The following LINGO2 variants were observed in gnomAD, a reference collection of about 807,000 sequenced individuals.
LINGO2 encodes leucine-rich repeat and immunoglobulin-like domain-containing nogo receptor-interacting protein 2.
A neutral mutation model predicts 30.6 loss-of-function variants in LINGO2; 14 were observed. The ratio of observed to expected loss-of-function variants is 0.46; its 90% CI spans 0.30 to 0.72. The LOEUF (loss-of-function observed/expected upper bound fraction) is 0.72, where lower values mean the gene tolerates loss of function less well. LINGO2 is among the 30% of genes least tolerant of loss of function. The pLI is 0.07. For synonymous variants in LINGO2, 317 were observed against 288.5 expected (o/e 1.10, Z -1.00); for missense variants, 729 against 751.7 (o/e 0.97, Z 0.35).
At chr9:28,156,258 G>T (rs757458997) in intron 4 of LINGO2, among the ~76,000 whole-genome samples, 4 of 152,156 alleles carry the variant, frequency 2.6e-5, no homozygotes, top group Non-Finnish European at 5.9e-5. Flanking sequence ...CCCTAAACGT[G>T]AATAAGATCA....
At chr9:28,177,023 G>A (rs548499866) in intron 4 of LINGO2, among the ~76,000 whole-genome samples, 1 of 152,228 alleles carries the variant, frequency 6.6e-6, no homozygotes, top group African/African-American at 2.4e-5. Flanking sequence ...ATTTGATTGC[G>A]ATAGCATTTA....
chr9:29,092,724 G>C, the LINGO2 span, among the ~76,000 whole-genome samples: 1 of 137,076 alleles, frequency 7.3e-6, no homozygotes, highest in African/African-American at 2.7e-5. Context: ...AAAGTTCAAA[G>C]TGATAGGTAA....
chr9:28,580,084 TGTGTG>T lies in LINGO2; in HGVS notation c.-365+90111_-365+90115del, dbSNP rs1824183680. On this transcript the variant is annotated intron_variant, in intron 1 of 5. Coordinates refer to ENST00000379992, the Ensembl canonical transcript of LINGO2. The stretch of plus-strand genomic sequence containing the variant: ...CTATAGCAAAAGAAGCAGTGCAGAA[TGTGTG>T]TATGTCTTTGAGCCACAGGAATAGA... Among the ~76,000 whole-genome samples the T allele has an allele frequency of 4.6e-5, 7 of 152,102 alleles. No individual in the cohort carries two copies. In the South Asian group the frequency reaches 1.5e-3, roughly 32 times the overall value.
chr9:28,014,650 T>G (rs1822735287), intron 4 of LINGO2, among the ~76,000 whole-genome samples: 1 of 152,210 alleles, frequency 6.6e-6, no homozygotes. Context: ...TAAACATTCA[T>G]CTACTAGTTT....
chr9:28,707,594 C>A, the LINGO2 span, among the ~76,000 whole-genome samples: 11 of 152,234 alleles, frequency 7.2e-5, no homozygotes, highest in Admixed American at 5.9e-4. Flanking sequence ...TTGTCTCACA[C>A]TATCTGTTTC....
chr9:28,881,170 C>T, the LINGO2 span, among the ~76,000 whole-genome samples: 17 of 152,110 alleles, frequency 1.1e-4, no homozygotes, highest in Non-Finnish European at 2.5e-4. Flanking sequence ...TCATCCCACC[C>T]GACTAGAAAT....
chr9:28,672,976 C>T (rs980899765), upstream of LINGO2, among the ~76,000 whole-genome samples: 5 of 151,976 alleles, frequency 3.3e-5, no homozygotes, highest in African/African-American at 7.2e-5. Flanking sequence ...AGAAGAAACA[C>T]AATAAACAGT....
At chr9:28,218,306 G>A (rs535016291) in intron 4 of LINGO2, among the ~76,000 whole-genome samples, 3 of 150,214 alleles carry the variant, frequency 2.0e-5, no homozygotes, top group Non-Finnish European at 3.0e-5. Flanking sequence ...ATGGAAATTT[G>A]GATAGAATCT....
chr9:28,231,937 T>C (rs7852724), intron 4 of LINGO2, among the ~76,000 whole-genome samples: 151,539 of 152,222 alleles, frequency 1, 75,429 homozygotes, highest in Middle Eastern at 1. Context: ...ACTTGTTTCT[T>C]TAATATTTTC....
chr9:28,902,537 C>G, the LINGO2 span, among the ~76,000 whole-genome samples: 1 of 152,102 alleles, frequency 6.6e-6, no homozygotes, highest in African/African-American at 2.4e-5. Context: ...CCAGATGAAT[C>G]TAACAGGTGT....
Position 28,103,295 on chromosome 9 carries a change from C to T in LINGO2, c.-86-90890G>A, listed in dbSNP as rs558306895. ...CATGTGCTGTGTTAGATTACATAAA[C>T]GGTCATGATTCTCCATGGCTCTTTT... On this transcript the variant is annotated intron_variant, in intron 4 of 5. Transcript: ENST00000379992. 1.4e-4 allele frequency among the ~76,000 whole-genome samples: 21 copies of T among 152,224 alleles called. No homozygotes were observed. The South Asian group carries it at 1.7e-3, about 12-fold the overall frequency.
the LINGO2 span, among the ~76,000 whole-genome samples, chr9:28,675,620 T>C: frequency 3.3e-5 from 5 of 151,788 alleles, no homozygotes; most frequent in Non-Finnish European, 5.9e-5. Context: ...CCTGTAATCC[T>C]AGTACTTTGG....
chr9:28,624,352 A>C (rs915433012), intron 1 of LINGO2, among the ~76,000 whole-genome samples: 1 of 151,778 alleles, frequency 6.6e-6, no homozygotes, highest in Non-Finnish European at 1.5e-5. Flanking sequence ...TGTTTTTTCT[A>C]TATCTAGTTT....
intron 1 of LINGO2, among the ~76,000 whole-genome samples, chr9:28,660,420 G>A (rs1201364479): frequency 1.3e-5 from 2 of 152,066 alleles, no homozygotes; most frequent in African/African-American, 2.4e-5. Context: ...TGTAATAAAT[G>A]TAAATAGACT....
the LINGO2 span, among the ~76,000 whole-genome samples, chr9:29,071,027 C>CA: frequency 5.3e-5 from 8 of 149,674 alleles, no homozygotes; most frequent in South Asian, 2.1e-4. Context: ...TATTAGAAAA[C>CA]AAAAAAACAT....
At chr9:28,361,701 A>T (rs1820451575) in intron 3 of LINGO2, among the ~76,000 whole-genome samples, 1 of 152,102 alleles carries the variant, frequency 6.6e-6, no homozygotes, top group African/African-American at 2.4e-5. Context: ...CTTTTTGCAG[A>T]TTGTGAAACC....
At chr9:28,354,403 C>T (rs1820072432) in intron 3 of LINGO2, among the ~76,000 whole-genome samples, 1 of 152,052 alleles carries the variant, frequency 6.6e-6, no homozygotes, top group African/African-American at 2.4e-5. Context: ...TCACAAAATC[C>T]TACCAATGGC....
intron 4 of LINGO2, among the ~76,000 whole-genome samples, chr9:28,186,636 G>C (rs538860650): frequency 6.6e-6 from 1 of 152,130 alleles, no homozygotes; most frequent in African/African-American, 2.4e-5. Context: ...AGTCCAGGAA[G>C]ATTTAGATAA....
At chr9:28,383,519 C>T (rs1821444022) in intron 2 of LINGO2, among the ~76,000 whole-genome samples, 1 of 151,908 alleles carries the variant, frequency 6.6e-6, no homozygotes, top group Admixed American at 6.6e-5. Flanking sequence ...CAGTCAAACT[C>T]CTCAGGGGAT....
Sources: allele counts gnomAD v4.1 joint callset (sites outside exome capture counted in the v4.1 genomes callset), GRCh38; gene constraint gnomAD v4.1.1; transcripts MANE v1.5; gene names NCBI Gene and HGNC (gene_info 2026-07-23, HGNC 2026-07-21).